Variants in SEMA6A observed in about 807,000 individuals in gnomAD.
SEMA6A encodes the protein semaphorin-6A.
In SEMA6A, 25 loss-of-function variants were observed where a neutral mutation model predicts 96.8. That is an observed-to-expected ratio of 0.26 (90% CI 0.19 to 0.36). The LOEUF (loss-of-function observed/expected upper bound fraction) is 0.36, where lower values mean the gene tolerates loss of function less well. Ranked by LOEUF, SEMA6A falls within the 10% of genes least tolerant of loss-of-function variation. SEMA6A has a pLI of 1.00. For synonymous variants in SEMA6A, 612 were observed against 518.0 expected (o/e 1.18, Z -2.46); for missense variants, 1,363 against 1,323.1 (o/e 1.03, Z -0.47).
intron 16 of SEMA6A, 69 bp downstream of exon 16, chr5:116,475,476 G>A (rs960815123): frequency 9.4e-7 from 1 of 1,067,412 alleles, no homozygotes; most frequent in Non-Finnish European, 1.4e-6. Context: ...CATGTGAGCT[G>A]ATGTTTCTAG....
intron 15 of SEMA6A, among the ~76,000 whole-genome samples, chr5:116,477,574 G>GTC (rs1554083937): frequency 2.0e-5 from 3 of 152,092 alleles, no homozygotes; most frequent in Admixed American, 1.3e-4. Flanking sequence ...GCACCTTCTT[G>GTC]TCTCTCTCTC....
chr5:116,483,099 T>A (rs1756871276), intron 10 of SEMA6A, among the ~76,000 whole-genome samples: 1 of 152,224 alleles, frequency 6.6e-6, no homozygotes, highest in Non-Finnish European at 1.5e-5. Context: ...CTCTGTACAT[T>A]TAAATTTTTA....
chr5:116,498,999 A>C (rs917263714), intron 3 of SEMA6A: 1 of 152,192 alleles, frequency 6.6e-6, no homozygotes, highest in African/African-American at 2.4e-5. Flanking sequence ...AGGAATTTAC[A>C]AAGTGGATAA....
chr5:116,474,030 A>G (rs968005798), intron 16 of SEMA6A, among the ~76,000 whole-genome samples: 2 of 152,300 alleles, frequency 1.3e-5, no homozygotes, highest in East Asian at 1.9e-4. Flanking sequence ...AGCGTCCCCT[A>G]TGCTACATAC....
In SEMA6A at chr5:116,446,652, G is replaced by A. The variant is rs1002847106; in HGVS notation, c.3054C>T (p.Pro1018=). ...PDVPPKPSFA[P]LSTSMKPNDA... The stretch of plus-strand genomic sequence containing the variant: ...CATTGGGCTTCATGGATGTGGAAAG[G>A]GGAGCAAAGGATGGTTTGGGGGGTA... Residue 1018 remains proline, a synonymous_variant, in exon 19 of 19, where the codon CCC becomes CCT. Coordinates refer to ENST00000343348, the MANE Select transcript of SEMA6A (RefSeq NM_020796.5). 1.3e-6 allele frequency: 2 copies of A among 1,532,194 alleles called. No homozygotes were observed. The highest frequency in any genetic ancestry group is 1.8e-6 in the Non-Finnish European group (2 of 1,138,824). The allele number at this position is 1,532,194 out of a possible 1,614,324, so 94.9% of individuals were successfully genotyped here. A position where few individuals can be genotyped will look rare whatever the true frequency, so the allele number is the denominator to read the frequency against.
chr5:116,446,803 G>T lies in SEMA6A; in HGVS notation c.2903C>A (p.Ser968Tyr). Residue 968 changes from serine (S) to tyrosine (Y), a missense_variant, in exon 19 of 19, where the codon TCC becomes TAC. Transcript: ENST00000343348. ...NPPPAPQRVD[S>Y]IQVHSSQPSG... ...TGGCTGGGAGCTGTGCACCTGGATG[G>T]AGTCCACCCTCTGCGGGGCGGGCGG... The T allele has an allele frequency of 1.2e-6, 2 of 1,613,336 alleles. No individual in the cohort carries two copies. The highest frequency in any genetic ancestry group is 1.7e-6 in the Non-Finnish European group (2 of 1,179,584).
intron 1 of SEMA6A, among the ~76,000 whole-genome samples, chr5:116,529,206 C>A (rs561356531): frequency 4.4e-4 from 67 of 152,166 alleles, no homozygotes; most frequent in African/African-American, 1.5e-3. Context: ...TGAGACACAG[C>A]TATAAGAGAG....
intron 1 of SEMA6A, among the ~76,000 whole-genome samples, chr5:116,515,483 C>G (rs1230837217): frequency 6.6e-6 from 1 of 151,796 alleles, no homozygotes; most frequent in Non-Finnish European, 1.5e-5. Context: ...AAGCAAACTG[C>G]AAAAAATAGT....
intron 1 of SEMA6A, among the ~76,000 whole-genome samples, chr5:116,559,669 G>A (rs1237379189): frequency 6.6e-6 from 1 of 152,168 alleles, no homozygotes. Flanking sequence ...GTTTATGACA[G>A]CAGTTAATTA....
chr5:116,537,643 A>G (rs1332219130), intron 1 of SEMA6A, among the ~76,000 whole-genome samples: 1 of 152,218 alleles, frequency 6.6e-6, no homozygotes. Flanking sequence ...TTAATTGAAC[A>G]AAGAGCCAAC....
chr5:116,477,468 C>T (rs1372219333), intron 15 of SEMA6A, among the ~76,000 whole-genome samples: 2 of 152,232 alleles, frequency 1.3e-5, no homozygotes, highest in African/African-American at 4.8e-5. Context: ...ATTACAAAAG[C>T]CGGTTTTGCT....
chr5:116,547,563 A>AACTT (rs1352364306), intron 1 of SEMA6A, among the ~76,000 whole-genome samples: 5 of 144,402 alleles, frequency 3.5e-5, no homozygotes, highest in Non-Finnish European at 7.7e-5. Flanking sequence ...TTCTCTAAGT[A>AACTT]ACGTACTGGT....
rs72214884 is a variant in SEMA6A at position 116,536,866 on chromosome 5, T to TAAAA, written c.-38-31888_-38-31885dup. Among the ~76,000 whole-genome samples, 46 of 69,520 alleles carry TAAAA rather than the reference T, an allele frequency of 6.6e-4. 2 individuals are homozygous for TAAAA. Among genetic ancestry groups the TAAAA allele is most frequent in the African/African-American group, 1.1e-3 (23 of 21,024 alleles). 45.6% of individuals were successfully genotyped at this position (69,520 alleles called of 152,430 possible). A position where few individuals can be genotyped will look rare whatever the true frequency, so the allele number is the denominator to read the frequency against. ...TTTATTCAGTCCCCGTGTGATTTCT[T>TAAAA]AAAAAAAAAAAAAAAAAAAAAAAAA... On this transcript the variant is annotated intron_variant, in intron 1 of 18. Coordinates refer to ENST00000343348, the MANE Select transcript of SEMA6A (RefSeq NM_020796.5).
rs1374828944 is a variant in SEMA6A, at chr5:116,475,587, C to A, written c.1666G>T (p.Asp556Tyr). The change falls in exon 16 of 19, where the codon GAC becomes TAC. Residue 556 changes from aspartate to tyrosine, a missense_variant. Physicochemically the swap from Asp to Tyr is radical, Grantham distance 160. Around this residue, in one of 2 missense-constraint regions of SEMA6A, gnomAD observed 883 missense variants for 763.6 expected, o/e 1.16. Coordinates refer to ENST00000343348, the MANE Select transcript of SEMA6A (RefSeq NM_020796.5). Reference protein sequence around the residue: ...SPNSRLTFEQDIERGNTDGLG... With the variant: ...SPNSRLTFEQYIERGNTDGLG... The stretch of plus-strand genomic sequence containing the variant: ...CCATCTGTATTGCCACGCTCTATGT[C>A]CTGCTCAAAAGTCAGTCTTTTAAAA... 2 of 1,603,064 alleles carry A rather than the reference C, an allele frequency of 1.2e-6. No individual in the cohort carries two copies. The highest frequency in any genetic ancestry group is 1.7e-6 in the Non-Finnish European group (2 of 1,174,560).
intron 1 of SEMA6A, among the ~76,000 whole-genome samples, chr5:116,563,994 TAA>T (rs869158320): frequency 8.4e-6 from 1 of 119,708 alleles, no homozygotes; most frequent in Admixed American, 8.4e-5. Context: ...CTGTGACACT[TAA>T]AGTGTTTCTC....
chr5:116,452,351 C>A (rs1330895116), intron 18 of SEMA6A, among the ~76,000 whole-genome samples: 1 of 152,142 alleles, frequency 6.6e-6, no homozygotes, highest in Non-Finnish European at 1.5e-5. Context: ...GCAAGGCACA[C>A]CCTGGCTTAG....
intron 1 of SEMA6A, among the ~76,000 whole-genome samples, chr5:116,528,094 T>G (rs1055843072): frequency 3.2e-4 from 48 of 152,196 alleles, no homozygotes; most frequent in African/African-American, 1.0e-3. Flanking sequence ...CCAGGAACAG[T>G]AGAGTTTAAA....
chr5:116,481,561 G>A (rs1756771818), intron 11 of SEMA6A, among the ~76,000 whole-genome samples: 1 of 152,204 alleles, frequency 6.6e-6, no homozygotes, highest in African/African-American at 2.4e-5. Flanking sequence ...GAGGACTGGA[G>A]GTTGCGGAAG....
intron 1 of SEMA6A, among the ~76,000 whole-genome samples, chr5:116,548,151 C>A (rs1297571600): frequency 1.3e-5 from 2 of 152,194 alleles, no homozygotes; most frequent in African/African-American, 4.8e-5. Context: ...ACACTACAGG[C>A]CAGTTATAAT....
Sources: allele counts gnomAD v4.1 joint callset (sites outside exome capture counted in the v4.1 genomes callset), GRCh38; gene constraint gnomAD v4.1.1; regional missense constraint gnomAD v4.1.1; transcripts MANE v1.5; gene names NCBI Gene and HGNC (gene_info 2026-07-23, HGNC 2026-07-21).